The following SHMT1 variants were observed in gnomAD, a reference collection of about 807,000 sequenced individuals.
SHMT1 encodes serine hydroxymethyltransferase 1.
Under a neutral mutation model 49.0 loss-of-function variants are expected in SHMT1, and 45 were observed. That is an observed-to-expected ratio of 0.92 (90% CI 0.72 to 1.18). SHMT1 has a LOEUF of 1.18. Among genes scored for constraint, SHMT1 ranks in the 50% most tolerant of loss-of-function variants. The pLI is 0.00. For synonymous variants in SHMT1, 232 were observed against 246.6 expected, an observed-to-expected ratio of 0.94 and a Z score of 0.55; for missense variants, 541 against 612.4, an observed-to-expected ratio of 0.88 and a Z score of 1.23.
intron 1 of SHMT1, among the ~76,000 whole-genome samples, chr17:18,362,348 T>A (rs911991046): frequency 1.4e-4 from 21 of 152,076 alleles, no homozygotes; most frequent in South Asian, 2.1e-4. Context: ...TGAGATAGAG[T>A]CTCACTCTGT....
intron 7 of SHMT1, among the ~76,000 whole-genome samples, chr17:18,339,049 T>TAAAAAAAAAAA (rs34704448): frequency 5.6e-4 from 15 of 26,872 alleles, no homozygotes; most frequent in African/African-American, 2.0e-3. Context: ...CAATAAATAC[T>TAAAAAAAAAAA]AAAAAAAAAA....
chr17:18,345,566 G>A (rs569491597), intron 5 of SHMT1, among the ~76,000 whole-genome samples: 83 of 151,044 alleles, frequency 5.5e-4, no homozygotes, highest in African/African-American at 1.9e-3. Context: ...TAGTAGAGAC[G>A]GGGTTTCACT....
intron 1 of SHMT1, among the ~76,000 whole-genome samples, chr17:18,361,162 T>A (rs1021299283): frequency 6.6e-6 from 1 of 151,868 alleles, no homozygotes; most frequent in Non-Finnish European, 1.5e-5. Context: ...AAAAATGAGC[T>A]GGGTGTGTGG....
intron 5 of SHMT1, among the ~76,000 whole-genome samples, chr17:18,344,973 A>C (rs992105878): frequency 6.6e-6 from 1 of 152,168 alleles, no homozygotes; most frequent in Non-Finnish European, 1.5e-5. Context: ...GACACCCCCT[A>C]ACCTCCAACT....
chr17:18,336,375 T>C (rs1414773034), intron 7 of SHMT1, among the ~76,000 whole-genome samples: 4 of 150,964 alleles, frequency 2.6e-5, no homozygotes, highest in Admixed American at 1.3e-4. Context: ...CTTAAAGAAA[T>C]GTCCATGTGG....
chr17:18,338,015 G>A (rs905124519), intron 7 of SHMT1, among the ~76,000 whole-genome samples: 39 of 151,038 alleles, frequency 2.6e-4, no homozygotes, highest in African/African-American at 8.3e-4. Context: ...AGTGAGGAGC[G>A]TCTCTGCCTG....
At chr17:18,341,961 C>G (rs1984571038) in intron 5 of SHMT1, among the ~76,000 whole-genome samples, 1 of 152,304 alleles carries the variant, frequency 6.6e-6, no homozygotes, top group African/African-American at 2.4e-5. Context: ...ACTAGGTCAA[C>G]TGGGCATCCA....
At chr17:18,349,247 C>A (rs1344969518) in intron 3 of SHMT1, among the ~76,000 whole-genome samples, 1 of 152,006 alleles carries the variant, frequency 6.6e-6, no homozygotes, top group Non-Finnish European at 1.5e-5. Context: ...TGGTGAAACC[C>A]CGTCTCTACT....
rs1383524573 is a variant in SHMT1 at position 18,340,136 on chromosome 17, C to A, written c.721G>T (p.Val241Leu). 1.2e-6 allele frequency: 2 copies of A among 1,614,134 alleles called. No individual in the cohort carries two copies. Among genetic ancestry groups the A allele is most frequent in the Admixed American group, 3.3e-5 (2 of 60,008 alleles). ...TGGCAGTGTTCAAATGGGGAGGGCA[C>A]CACGCCAGCCGCCACCAGCCCGCTG... ...HISGLVAAGV[V>L]PSPFEHCHVV... Residue 241 changes from valine (V) to leucine (L), a missense_variant, in exon 7 of 12, where the codon GTG becomes TTG. Transcript: ENST00000316694. This position sits in a 1 kb window ranked among gnomAD's most constrained non-coding sequence, Gnocchi z 4.5.
rs1389327304 is a variant in SHMT1, at chr17:18,353,802, T to C, written c.112A>G (p.Lys38Glu). ...DSDVEVYNII[K>E]KESNRQRVGL... ...ACCCTCTGCCGGTTACTCTCCTTCT[T>C]AATGATGTTGTAAACCTTATGAGAA... Residue 38 changes from lysine to glutamate, a missense_variant, in exon 3 of 12, where the codon AAG (lysine) becomes GAG (glutamate). Transcript: ENST00000316694. 6.2e-7 allele frequency: 1 copy of C among 1,614,160 alleles called. No individual in the cohort carries two copies. The highest frequency in any genetic ancestry group is 8.5e-7 in the Non-Finnish European group (1 of 1,179,986).
In SHMT1 at chr17:18,333,177, T is replaced by C. The variant is rs147504483; in HGVS notation, c.1043A>G (p.Lys348Arg). ...LSEALTELGY[K>R]IVTGGSDNHL... Reference sequence around the variant, plus strand: ...ATCTGTGTCTCTACCTGTGACTATTTTGTAGCCCAGCTCCGTCAGGGCCTC... The same window carrying C: ...ATCTGTGTCTCTACCTGTGACTATTCTGTAGCCCAGCTCCGTCAGGGCCTC... The change falls in exon 9 of 12, where the codon AAA becomes AGA. Residue 348 changes from lysine to arginine, a missense_variant. Physicochemically the swap from Lys to Arg is conservative, Grantham distance 26. Transcript: ENST00000316694. 8.7e-6 allele frequency: 14 copies of C among 1,614,150 alleles called. No homozygotes were observed. Among genetic ancestry groups the C allele is most frequent in the Admixed American group, 1.7e-5 (1 of 60,026 alleles).
At chr17:18,355,250 G>C (rs566884565) in intron 2 of SHMT1, among the ~76,000 whole-genome samples, 1 of 150,472 alleles carries the variant, frequency 6.6e-6, no homozygotes, top group Admixed American at 6.7e-5. Flanking sequence ...GGCACCTGTA[G>C]TCCCAGCTAC....
rs1983197927 is a variant in SHMT1 at position 18,331,455 on chromosome 17, C to T, written c.1055-784G>A. The stretch of plus-strand genomic sequence containing the variant: ...ACAAAAAGACCAATAATTCACAGGG[C>T]TGTCATGAAGTTTAAGTAAGATACT... On this transcript the variant is annotated intron_variant, in intron 9 of 11. Coordinates refer to ENST00000316694, the MANE Select transcript of SHMT1 (RefSeq NM_004169.5). The T allele has an allele frequency of 1.9e-5, 3 of 156,180 alleles. No homozygotes were observed. In the South Asian group the frequency reaches 5.9e-4, roughly 31 times the overall value. 9.7% of individuals were successfully genotyped at this position (156,180 alleles called of 1,614,324 possible).
chr17:18,359,742 T>C (rs2151610875), intron 1 of SHMT1, among the ~76,000 whole-genome samples: 1 of 144,700 alleles, frequency 6.9e-6, no homozygotes, highest in Middle Eastern at 4.5e-3. Flanking sequence ...GGTCAGGAAA[T>C]CAAGACTGTC....
At chr17:18,360,512 A>C (rs1481670408) in intron 1 of SHMT1, 1 of 150,798 alleles carries the variant, frequency 6.6e-6, no homozygotes, top group Admixed American at 6.7e-5. Flanking sequence ...GTGAGCCCAG[A>C]TTTTCCCACA....
At position 18,340,786 on chromosome 17, in the gene SHMT1, A is replaced by G; in HGVS notation, c.547T>C (p.Tyr183His). 1 of 1,613,600 alleles carries G rather than the reference A, an allele frequency of 6.2e-7. No individual in the cohort carries two copies. The highest frequency in any genetic ancestry group is 1.1e-5 in the South Asian group (1 of 90,872). The change falls in exon 6 of 12, where the codon TAT becomes CAT. Residue 183 changes from tyrosine (Y) to histidine (H), a missense_variant. Physicochemically the swap from Tyr to His is moderately conservative, Grantham distance 83 (BLOSUM62 2). Transcript: ENST00000316694. This position sits in a 1 kb window ranked among gnomAD's most constrained non-coding sequence, Gnocchi z 4.5. ...KVNPDTGYINYDQLEENARLF... is the reference protein window; with the variant it reads ...KVNPDTGYINHDQLEENARLF... ...CGTGCGTTCTCCTCCAGCTGGTCATAGTTGATGTAGCCAGTATCTGGGTTC... is the reference window on the plus strand; with the variant it reads ...CGTGCGTTCTCCTCCAGCTGGTCATGGTTGATGTAGCCAGTATCTGGGTTC...
chr17:18,340,752 T>G lies in SHMT1; in HGVS notation c.581A>C (p.His194Pro). The G allele has an allele frequency of 6.2e-7, 1 of 1,612,918 alleles. No homozygotes were observed. Among genetic ancestry groups the G allele is most frequent in the Non-Finnish European group, 8.5e-7 (1 of 1,179,588 alleles). The change falls in exon 6 of 12, where the codon CAC becomes CCC. Residue 194 changes from histidine (H) to proline (P), a missense_variant. Coordinates refer to ENST00000316694, the MANE Select transcript of SHMT1 (RefSeq NM_004169.5). This position sits in a 1 kb window ranked among gnomAD's most constrained non-coding sequence, Gnocchi z 4.5. ...ATCACCTGCGATGATCAGCTTCGGG[T>G]GGAAGAGGCGTGCGTTCTCCTCCAG... ...DQLEENARLF[H>P]PKLIIAGTSC...
intron 8 of SHMT1, among the ~76,000 whole-genome samples, chr17:18,333,733 G>T (rs1263440503): frequency 6.6e-6 from 1 of 151,864 alleles, no homozygotes; most frequent in Non-Finnish European, 1.5e-5. Flanking sequence ...GCCTCCCCAA[G>T]TGCTGGGATT....
intron 7 of SHMT1, among the ~76,000 whole-genome samples, chr17:18,336,371 G>A (rs1983791232): frequency 2.0e-5 from 3 of 151,416 alleles, no homozygotes; most frequent in Non-Finnish European, 2.9e-5. Context: ...TTTCCTTAAA[G>A]AAATGTCCAT....
Sources: gnomAD v4.1 joint callset for allele counts (sites outside exome capture counted in the v4.1 genomes callset) on GRCh38, gnomAD v4.1.1 for gene constraint, Gnocchi (gnomAD v3.1) non-coding constraint, MANE v1.5 for transcripts, NCBI Gene and HGNC (gene_info 2026-07-23, HGNC 2026-07-21) for gene names.